The following KIAA0930 variants were observed in gnomAD, a reference collection of about 807,000 sequenced individuals.
KIAA0930 encodes the protein KIAA0930, also known as uncharacterized protein KIAA0930.
A neutral mutation model predicts 43.9 loss-of-function variants in KIAA0930; 24 were observed. The observed-to-expected ratio is 0.55, with a 90% confidence interval of 0.40 to 0.77. The LOEUF is 0.77. KIAA0930 is among the 30% of genes least tolerant of loss of function. KIAA0930 has a pLI of 0.00. For missense variants in KIAA0930, 461 were observed against 574.2 expected, an observed-to-expected ratio of 0.80 and a Z score of 2.02; for synonymous variants, 259 against 216.4, an observed-to-expected ratio of 1.20 and a Z score of -1.73.
rs149714968 is a variant in KIAA0930 at position 45,210,043 on chromosome 22, C to T, written c.216+1913G>A. Among the ~76,000 whole-genome samples, 854 of 152,302 alleles carry T rather than the reference C, an allele frequency of 5.6e-3. 4 individuals are homozygous for T. Among genetic ancestry groups the T allele is most frequent in the Non-Finnish European group, 0.01 (706 of 68,020 alleles). On this transcript the variant is annotated intron_variant, in intron 2 of 9. Transcript: ENST00000336156. ...CCTACCCCGGCCTATCCAGGGTGCA[C>T]ACAACCCGTCCTCCCACCTCCCTGT...
intron 4 of KIAA0930, 124 bp downstream of exon 4, chr22:45,205,506 A>C (rs1054901495): frequency 1.0e-6 from 1 of 974,034 alleles, no homozygotes; most frequent in Non-Finnish European, 1.6e-6. Flanking sequence ...GGAGCTGAGC[A>C]GATTTCTGGA....
At chr22:45,205,359 C>T (rs754060380) in intron 4 of KIAA0930, 41 bp from the exon 5 acceptor site, 66 of 1,555,150 alleles carry the variant, frequency 4.2e-5, no homozygotes, top group East Asian at 1.1e-4. Flanking sequence ...AGGCCCCACC[C>T]GGCACACAGG....
At chr22:45,230,598 T>C (rs2083846759) in intron 1 of KIAA0930, among the ~76,000 whole-genome samples, 1 of 147,026 alleles carries the variant, frequency 6.8e-6, no homozygotes, top group Admixed American at 6.7e-5. Flanking sequence ...TTTTTTTTTT[T>C]TGAGACGATG....
chr22:45,203,233 C>T, intron 6 of KIAA0930, 49 bp from the exon 7 acceptor site: 1 of 1,529,988 alleles, frequency 6.5e-7, no homozygotes, highest in Non-Finnish European at 8.8e-7. Flanking sequence ...GCGATGGCTC[C>T]ATGGGGCCCC....
rs1323919621 is a variant in KIAA0930, at chr22:45,200,012, G to C, written c.876C>G (p.Pro292=). The change falls in exon 8 of 10, where the codon CCC becomes CCG. Residue 292 remains proline, a synonymous_variant. Coordinates refer to ENST00000336156, the MANE Select transcript of KIAA0930 (RefSeq NM_001009880.2). ...CAGGCCGGTTGTTCCGTTCTGGGGT[G>C]GGGGGTGTGCTGAAGGAGGTCACCT... ...HERVTSFSTP[P]TPERNNRPAF... The C allele has an allele frequency of 1.9e-6, 3 of 1,594,948 alleles. No individual in the cohort carries two copies. The highest frequency in any genetic ancestry group is 2.6e-6 in the Non-Finnish European group (3 of 1,170,836).
At chr22:45,213,143 G>A (rs2083709024) in intron 1 of KIAA0930, among the ~76,000 whole-genome samples, 1 of 152,112 alleles carries the variant, frequency 6.6e-6, no homozygotes, top group South Asian at 2.1e-4. Flanking sequence ...GCAGGCCAGT[G>A]GGCTGACCAG....
At chr22:45,218,846 G>T (rs1051137227) in intron 1 of KIAA0930, among the ~76,000 whole-genome samples, 4 of 152,140 alleles carry the variant, frequency 2.6e-5, no homozygotes, top group African/African-American at 9.7e-5. Flanking sequence ...TGAGTCCCCA[G>T]CGGGGTGGGC....
At chr22:45,239,667 A>G (rs1266633831) in intron 1 of KIAA0930, among the ~76,000 whole-genome samples, 1 of 152,114 alleles carries the variant, frequency 6.6e-6, no homozygotes, top group African/African-American at 2.4e-5. Flanking sequence ...GTTCTCTGGG[A>G]CTCAGTTTCC....
chr22:45,203,443 C>A (rs1018011663), intron 6 of KIAA0930, among the ~76,000 whole-genome samples: 5 of 152,110 alleles, frequency 3.3e-5, no homozygotes, highest in African/African-American at 1.2e-4. Flanking sequence ...AGGCTGGCTG[C>A]GGATGGTGCC....
At chr22:45,199,800 G>T in intron 8 of KIAA0930, 73 bp downstream of exon 8, 1 of 1,320,194 alleles carries the variant, frequency 7.6e-7, no homozygotes, top group Non-Finnish European at 1.0e-6. Context: ...ATGAATAAAT[G>T]AATGAATGAC....
chr22:45,223,254 A>T (rs1192565031), intron 1 of KIAA0930, among the ~76,000 whole-genome samples: 1 of 152,262 alleles, frequency 6.6e-6, no homozygotes, highest in African/African-American at 2.4e-5. Flanking sequence ...CAAGGAAGAA[A>T]GTTCTCTAGA....
chr22:45,237,879 C>T (rs1232859945), intron 1 of KIAA0930, among the ~76,000 whole-genome samples: 1 of 151,820 alleles, frequency 6.6e-6, no homozygotes, highest in East Asian at 1.9e-4. Context: ...TCCTAGTAAG[C>T]TCACCCCTCG....
chr22:45,194,507 C>T lies in KIAA0930; in HGVS notation c.*2669G>A, dbSNP rs889728075. The T allele has an allele frequency of 3.3e-5, 5 of 152,190 alleles. No individual in the cohort carries two copies. The highest frequency in any genetic ancestry group is 3.3e-4 in the Admixed American group (5 of 15,284). 9.4% of individuals were successfully genotyped at this position (152,190 alleles called of 1,614,324 possible). ...TGTCACCATGCATTAGTCTTCCCCG[C>T]ATTACACAAAAGGCAGGTGTGTTCC... On this transcript the variant is annotated 3_prime_UTR_variant, in exon 10 of 10. Transcript: ENST00000336156.
chr22:45,203,707 C>T (rs2083610256), intron 6 of KIAA0930, 138 bp downstream of exon 6: 9 of 936,552 alleles, frequency 9.6e-6, no homozygotes, highest in African/African-American at 6.6e-5. Context: ...AGAAGGAGCC[C>T]GGAGGGGCTG....
intron 1 of KIAA0930, among the ~76,000 whole-genome samples, chr22:45,222,685 G>A (rs933072625): frequency 1.7e-5 from 2 of 119,722 alleles, no homozygotes; most frequent in African/African-American, 3.2e-5. Context: ...CATAAACAAA[G>A]CAAAAAACAA....
intron 2 of KIAA0930, among the ~76,000 whole-genome samples, chr22:45,210,520 CG>C (rs981963721): frequency 1.1e-4 from 17 of 152,186 alleles, no homozygotes; most frequent in Non-Finnish European, 2.2e-4. Flanking sequence ...CCTCACCTTT[CG>C]GGGCACCTGC....
At chr22:45,201,976 G>GATTCCTCAAAGCCTTCC (rs2083593107) in intron 7 of KIAA0930, among the ~76,000 whole-genome samples, 1 of 152,214 alleles carries the variant, frequency 6.6e-6, no homozygotes, top group African/African-American at 2.4e-5. Context: ...CCAAGCCCCG[G>GATTCCTCAAAGCCTTCC]ATTCCTCAAA....
rs768536360 is a variant in KIAA0930, at chr22:45,205,842, G to C, written c.287C>G (p.Pro96Arg). The change falls in exon 3 of 10, where the codon CCT becomes CGT. Residue 96 changes from proline to arginine, a missense_variant. Coordinates refer to ENST00000336156, the MANE Select transcript of KIAA0930 (RefSeq NM_001009880.2). ...GACGCTCTCCTCCCAGTCGATGTCA[G>C]GGTCTCCCAGGCCTGGCAGCTTCTT... ...DSKKLPGLGD[P>R]DIDWEESVCL... The C allele has an allele frequency of 5.6e-6, 9 of 1,595,050 alleles. No individual in the cohort carries two copies. Among genetic ancestry groups the C allele is most frequent in the Non-Finnish European group, 6.8e-6 (8 of 1,173,254 alleles).
At chr22:45,199,815 C>A in intron 8 of KIAA0930, 58 bp downstream of exon 8, 1 of 1,389,614 alleles carries the variant, frequency 7.2e-7, no homozygotes, top group East Asian at 2.6e-5. Context: ...AATGACTGGT[C>A]TGGATCAAGA....
Sources: allele counts gnomAD v4.1 joint callset (sites outside exome capture counted in the v4.1 genomes callset), GRCh38; gene constraint gnomAD v4.1.1; transcripts MANE v1.5; gene names NCBI Gene and HGNC (gene_info 2026-07-23, HGNC 2026-07-21).